The following PXDN variants were observed in gnomAD, a reference collection of about 807,000 sequenced individuals.
PXDN encodes peroxidasin.
Under a neutral mutation model 140.3 loss-of-function variants are expected in PXDN, and 77 were observed. The ratio of observed to expected loss-of-function variants is 0.55; its 90% confidence interval spans 0.46 to 0.66. The LOEUF (loss-of-function observed/expected upper bound fraction) is 0.66. Ranked by LOEUF, PXDN falls within the 30% of genes least tolerant of loss-of-function variation. The pLI, the probability that PXDN is intolerant of heterozygous loss-of-function variation, is 0.00. For missense variants in PXDN, 1,838 were observed against 2,039.5 expected, an observed-to-expected ratio of 0.90 and a Z score of 1.90; for synonymous variants, 911 against 857.4, an observed-to-expected ratio of 1.06 and a Z score of -1.09.
chr2:1,688,608 CA>C (rs1684115914), intron 3 of PXDN, among the ~76,000 whole-genome samples: 1 of 152,168 alleles, frequency 6.6e-6, no homozygotes, highest in Non-Finnish European at 1.5e-5. Flanking sequence ...TGGGGGACCC[CA>C]AGAAGGCTGT....
At chr2:1,735,192 G>C (rs1220406488) in intron 1 of PXDN, among the ~76,000 whole-genome samples, 1 of 152,156 alleles carries the variant, frequency 6.6e-6, no homozygotes, top group East Asian at 1.9e-4. Context: ...CGAAGTCTCT[G>C]AACCCCTCAA....
At chr2:1,642,430 C>T (rs1682749746) in intron 19 of PXDN, among the ~76,000 whole-genome samples, 1 of 152,176 alleles carries the variant, frequency 6.6e-6, no homozygotes, top group Admixed American at 6.5e-5. Context: ...CTTTGTGTGT[C>T]TCTTCTTAAA....
At chr2:1,697,394 G>C (rs1326291715) in intron 1 of PXDN, among the ~76,000 whole-genome samples, 1 of 152,196 alleles carries the variant, frequency 6.6e-6, no homozygotes, top group African/African-American at 2.4e-5. Flanking sequence ...TAAATGTAAA[G>C]CTAAACTCTC....
At chr2:1,680,982 C>A (rs1421131266) in intron 6 of PXDN, among the ~76,000 whole-genome samples, 1 of 152,194 alleles carries the variant, frequency 6.6e-6, no homozygotes, top group Non-Finnish European at 1.5e-5. Context: ...TGTGCCTGCA[C>A]CCTGGGAAAA....
At chr2:1,705,003 AC>A (rs920605659) in intron 1 of PXDN, among the ~76,000 whole-genome samples, 1 of 152,172 alleles carries the variant, frequency 6.6e-6, no homozygotes, top group African/African-American at 2.4e-5. Context: ...GGATGCACAC[AC>A]GAGCTAGTTA....
chr2:1,644,780 T>G (rs1291005838), intron 17 of PXDN, 28 bp from the exon 18 acceptor site: 1 of 1,461,872 alleles, frequency 6.8e-7, no homozygotes, highest in East Asian at 2.5e-5. Flanking sequence ...AACTGAAATC[T>G]ACCTAACAAA....
intron 3 of PXDN, among the ~76,000 whole-genome samples, chr2:1,691,498 C>T (rs986906648): frequency 3.3e-5 from 5 of 152,142 alleles, no homozygotes; most frequent in African/African-American, 7.2e-5. Context: ...GACACTCCAC[C>T]GGGGTTAGTT....
intron 1 of PXDN, among the ~76,000 whole-genome samples, chr2:1,720,451 A>G (rs1416997318): frequency 2.3e-4 from 35 of 151,130 alleles, no homozygotes; most frequent in Admixed American, 2.3e-3. Flanking sequence ...GAAGGTGAGA[A>G]GAGAGGCAGA....
At chr2:1,692,167 C>T (rs1393971160) in intron 2 of PXDN, among the ~76,000 whole-genome samples, 168 bp from the exon 3 acceptor site, 1 of 152,236 alleles carries the variant, frequency 6.6e-6, no homozygotes, top group Non-Finnish European at 1.5e-5. Flanking sequence ...ACAGCTTTCG[C>T]GTTTAACCAT....
Position 1,649,530 on chromosome 2 carries a change from G to A in PXDN, c.2250C>T (p.Asn750=), listed in dbSNP as rs1383823116. The A allele has an allele frequency of 1.2e-6, 2 of 1,613,928 alleles. No individual in the cohort carries two copies. Among genetic ancestry groups the A allele is most frequent in the Non-Finnish European group, 1.7e-6 (2 of 1,179,902 alleles). ...KYRTHDGTCN[N]LQHPMWGASL... The stretch of plus-strand genomic sequence containing the variant: ...AGGCGCCCCACATGGGGTGCTGCAG[G>A]TTGTTACAGGTGCCGTCGTGCGTCC... The change falls in exon 17 of 23, where the codon AAC becomes AAT. Residue 750 remains asparagine, a synonymous_variant. Coordinates refer to ENST00000252804, the MANE Select transcript of PXDN (RefSeq NM_012293.3). The surrounding 1 kb of genome is among the most constrained non-coding windows in gnomAD (Gnocchi z 7.1).
At chr2:1,738,645 C>G (rs1381984595) in intron 1 of PXDN, among the ~76,000 whole-genome samples, 1 of 151,874 alleles carries the variant, frequency 6.6e-6, no homozygotes, top group African/African-American at 2.4e-5. Flanking sequence ...GCCTCCCAGG[C>G]TCAAGCGATT....
chr2:1,688,438 C>T (rs1190331266), intron 3 of PXDN, among the ~76,000 whole-genome samples: 8 of 152,204 alleles, frequency 5.3e-5, no homozygotes, highest in African/African-American at 1.4e-4. Context: ...TGGTCCTGCA[C>T]AGAAAACACT....
intron 14 of PXDN, among the ~76,000 whole-genome samples, chr2:1,656,548 A>C (rs1027425621): frequency 6.6e-6 from 1 of 150,564 alleles, no homozygotes; most frequent in African/African-American, 2.5e-5. Context: ...CCCCCTCCTG[A>C]CTGAAACCTG....
chr2:1,661,370 C>T (rs2125423312), intron 13 of PXDN, among the ~76,000 whole-genome samples: 1 of 152,268 alleles, frequency 6.6e-6, no homozygotes, highest in South Asian at 2.1e-4. Flanking sequence ...ACAAAGAGAC[C>T]TAGGAATGTC....
At position 1,727,303 on chromosome 2, in the gene PXDN, T is replaced by G. The variant is rs547594500; in HGVS notation, c.200+16953A>C. ...GCGGCTGCCCCTCCTTCAGACAAAG[T>G]TCTTTGGCCTCATATTTCAGTTTAT... On this transcript the variant is annotated intron_variant, in intron 1 of 22. Coordinates refer to ENST00000252804, the MANE Select transcript of PXDN (RefSeq NM_012293.3). Among the ~76,000 whole-genome samples, 9 of 152,260 alleles carry G rather than the reference T, an allele frequency of 5.9e-5. No individual in the cohort carries two copies. The East Asian group carries it at 1.7e-3, about 29-fold the overall frequency.
At chr2:1,679,775 ATGTG>A (rs1483538965) in intron 7 of PXDN, among the ~76,000 whole-genome samples, 1 of 112,992 alleles carries the variant, frequency 8.9e-6, no homozygotes, top group East Asian at 3.0e-4. Flanking sequence ...TTGTATCTGC[ATGTG>A]TGTGTCTATA....
chr2:1,666,949 T>A (rs1683458784), intron 9 of PXDN, among the ~76,000 whole-genome samples: 1 of 152,130 alleles, frequency 6.6e-6, no homozygotes, highest in Non-Finnish European at 1.5e-5. Context: ...CAAATTTAAA[T>A]CCAGAAAAAA....
At chr2:1,724,543 G>C (rs1354438749) in intron 1 of PXDN, among the ~76,000 whole-genome samples, 3 of 152,098 alleles carry the variant, frequency 2.0e-5, no homozygotes, top group Non-Finnish European at 4.4e-5. Flanking sequence ...GTCAAACATT[G>C]ATCATCATGG....
At chr2:1,721,520 A>G (rs1685050892) in intron 1 of PXDN, among the ~76,000 whole-genome samples, 1 of 152,190 alleles carries the variant, frequency 6.6e-6, no homozygotes, top group Non-Finnish European at 1.5e-5. Flanking sequence ...AAACAGATTG[A>G]GTTTTGCTTG....
Sources: gnomAD v4.1 joint callset for allele counts (sites outside exome capture counted in the v4.1 genomes callset) on GRCh38, gnomAD v4.1.1 for gene constraint, Gnocchi (gnomAD v3.1) non-coding constraint, MANE v1.5 for transcripts, NCBI Gene and HGNC (gene_info 2026-07-23, HGNC 2026-07-21) for gene names.